RSRC1: variants seen among roughly 807,000 people sequenced by gnomAD.
RSRC1 encodes the protein arginine and serine rich coiled-coil 1.
In RSRC1, 39 loss-of-function variants were observed where a neutral mutation model predicts 49.1. That is an observed-to-expected ratio of 0.79 (90% CI 0.61 to 1.04). The LOEUF is 1.04. Among genes scored for constraint, RSRC1 ranks in the 50% least tolerant of loss-of-function variants. The probability of loss-of-function intolerance (pLI) is 0.00; values close to 1 mark genes in which losing one functional copy is unlikely to be tolerated. For missense variants in RSRC1, 388 were observed against 402.4 expected (o/e 0.96, Z 0.31); for synonymous variants, 143 against 130.8 (o/e 1.09, Z -0.63).
intron 4 of RSRC1, among the ~76,000 whole-genome samples, chr3:158,254,698 C>T (rs1183158368): frequency 1.3e-5 from 2 of 152,084 alleles, no homozygotes; most frequent in African/African-American, 4.8e-5. Context: ...TCTCAAAGTG[C>T]TGGGATTACA....
chr3:158,423,596 T>C (rs1354952274), intron 6 of RSRC1, among the ~76,000 whole-genome samples: 2 of 152,176 alleles, frequency 1.3e-5, no homozygotes, highest in Non-Finnish European at 2.9e-5. Flanking sequence ...TAAAGTAGTT[T>C]TTTCCAATTC....
intron 5 of RSRC1, among the ~76,000 whole-genome samples, chr3:158,336,992 G>A (rs1201940327): frequency 6.6e-6 from 1 of 152,172 alleles, no homozygotes; most frequent in Non-Finnish European, 1.5e-5. Context: ...TAAGAGGTGG[G>A]AGATTTCCCG....
intron 5 of RSRC1, among the ~76,000 whole-genome samples, chr3:158,339,848 A>G (rs529563948): frequency 5.3e-5 from 8 of 152,350 alleles, no homozygotes; most frequent in African/African-American, 1.4e-4. Context: ...GTGCTGATAC[A>G]TGTTTCCCCA....
intron 3 of RSRC1, among the ~76,000 whole-genome samples, chr3:158,190,942 G>C (rs1208645728): frequency 6.6e-6 from 1 of 151,814 alleles, no homozygotes; most frequent in Non-Finnish European, 1.5e-5. Context: ...TTAGAAATAG[G>C]GTCTTGCTCT....
At chr3:158,318,204 A>G (rs1393461291) in intron 5 of RSRC1, among the ~76,000 whole-genome samples, 1 of 152,098 alleles carries the variant, frequency 6.6e-6, no homozygotes, top group African/African-American at 2.4e-5. Context: ...CCCAGGCTTC[A>G]TGGACTCCAG....
At chr3:158,258,853 T>C (rs1391717320) in intron 4 of RSRC1, among the ~76,000 whole-genome samples, 1 of 152,122 alleles carries the variant, frequency 6.6e-6, no homozygotes, top group Non-Finnish European at 1.5e-5. Flanking sequence ...CATTTCTCAG[T>C]ATGTCAGTTT....
At chr3:158,540,230 T>C (rs899373140) in intron 8 of RSRC1, among the ~76,000 whole-genome samples, 1 of 152,128 alleles carries the variant, frequency 6.6e-6, no homozygotes, top group Non-Finnish European at 1.5e-5. Context: ...GTTGGAGACA[T>C]ACAAATGTTT....
chr3:158,506,523 C>T (rs1460799578), intron 7 of RSRC1, among the ~76,000 whole-genome samples: 3 of 151,872 alleles, frequency 2.0e-5, no homozygotes, highest in African/African-American at 7.3e-5. Context: ...CCAGAATAGA[C>T]GTTCCTGAAA....
intron 8 of RSRC1, among the ~76,000 whole-genome samples, chr3:158,543,011 T>G (rs981680698): frequency 5.3e-5 from 8 of 152,134 alleles, no homozygotes; most frequent in African/African-American, 1.7e-4. Context: ...AAGAAAAATG[T>G]GCTTATCATA....
chr3:158,286,255 A>G (rs1341112377), intron 4 of RSRC1, among the ~76,000 whole-genome samples: 2 of 152,226 alleles, frequency 1.3e-5, no homozygotes, highest in East Asian at 3.8e-4. Context: ...AGTTGAAAGT[A>G]ATAAATTCTC....
chr3:158,524,290 A>C (rs781284233), intron 7 of RSRC1, among the ~76,000 whole-genome samples: 1 of 152,064 alleles, frequency 6.6e-6, no homozygotes, highest in Non-Finnish European at 1.5e-5. Context: ...CTCTTCAATT[A>C]GGGCACAATT....
At chr3:158,272,873 C>G (rs1725597608) in intron 4 of RSRC1, among the ~76,000 whole-genome samples, 1 of 151,848 alleles carries the variant, frequency 6.6e-6, no homozygotes, top group Non-Finnish European at 1.5e-5. Flanking sequence ...TTTTATTATC[C>G]TTTCCTCCCT....
At chr3:158,511,265 C>T (rs1184417080) in intron 7 of RSRC1, among the ~76,000 whole-genome samples, 1 of 151,974 alleles carries the variant, frequency 6.6e-6, no homozygotes, top group Non-Finnish European at 1.5e-5. Flanking sequence ...CCTCCCCCTA[C>T]CCCACAGCAG....
At chr3:158,350,564 C>A (rs961064807) in intron 5 of RSRC1, among the ~76,000 whole-genome samples, 1 of 152,162 alleles carries the variant, frequency 6.6e-6, no homozygotes, top group Non-Finnish European at 1.5e-5. Context: ...TCTTCTTGGC[C>A]TGCAGATGGC....
chr3:158,403,105 T>G (rs1020890762), intron 6 of RSRC1, among the ~76,000 whole-genome samples: 1 of 151,808 alleles, frequency 6.6e-6, no homozygotes. Flanking sequence ...ACATTAGTGG[T>G]ATCTTTATAA....
intron 6 of RSRC1, among the ~76,000 whole-genome samples, chr3:158,428,872 C>T (rs959763645): frequency 3.3e-5 from 5 of 151,960 alleles, no homozygotes; most frequent in South Asian, 4.1e-4. Flanking sequence ...TTGCTACTAG[C>T]GAGCACAGCT....
chr3:158,446,876 T>C (rs1736750397), intron 6 of RSRC1, among the ~76,000 whole-genome samples: 1 of 152,172 alleles, frequency 6.6e-6, no homozygotes, highest in Non-Finnish European at 1.5e-5. Context: ...TTTCATTATG[T>C]GCCTAGTTTT....
intron 3 of RSRC1, among the ~76,000 whole-genome samples, chr3:158,174,025 G>T (rs1423289812): frequency 2.6e-5 from 4 of 151,804 alleles, no homozygotes; most frequent in Non-Finnish European, 5.9e-5. Flanking sequence ...TTGATTTATT[G>T]TGGTCGTACA....
intron 6 of RSRC1, among the ~76,000 whole-genome samples, chr3:158,368,903 T>C (rs971000747): frequency 3.6e-4 from 55 of 152,188 alleles, no homozygotes; most frequent in African/African-American, 1.3e-3. Context: ...TGTAAATAAA[T>C]TTACCGAAAA....
Sources: gnomAD v4.1 joint callset for allele counts (sites outside exome capture counted in the v4.1 genomes callset) on GRCh38, gnomAD v4.1.1 for gene constraint, MANE v1.5 for transcripts, NCBI Gene and HGNC (gene_info 2026-07-23, HGNC 2026-07-21) for gene names.